ANKS1B: variants seen among roughly 807,000 people sequenced by gnomAD.
The protein encoded by ANKS1B is ankyrin repeat and sterile alpha motif domain-containing protein 1B.
In ANKS1B, 36 loss-of-function variants were observed where a neutral mutation model predicts 148.3. The observed-to-expected ratio is 0.24, with a 90% CI of 0.19 to 0.32. ANKS1B has a LOEUF of 0.32. ANKS1B is among the 10% of genes least tolerant of loss of function. The pLI is 1.00. For missense variants in ANKS1B, 1,157 were observed against 1,542.6 expected (o/e 0.75, Z 4.19); for synonymous variants, 542 against 560.8 (o/e 0.97, Z 0.47).
chr12:99,647,785 A>G, intron 9 of ANKS1B: 1 of 212,638 alleles, frequency 4.7e-6, no homozygotes, highest in Non-Finnish European at 9.6e-6. Context: ...GAAGAAGAGC[A>G]GTGGGATTGC....
At chr12:99,938,205 A>C (rs894505978) in intron 1 of ANKS1B, among the ~76,000 whole-genome samples, 1 of 152,228 alleles carries the variant, frequency 6.6e-6, no homozygotes, top group African/African-American at 2.4e-5. Context: ...GCAAGTGGCC[A>C]TATGGCCAGG....
intron 16 of ANKS1B, among the ~76,000 whole-genome samples, chr12:99,068,123 C>T (rs2045051739): frequency 1.3e-5 from 2 of 151,904 alleles, no homozygotes; most frequent in South Asian, 4.1e-4. Context: ...ATATATATAA[C>T]ATCATCCTAG....
chr12:99,374,426 G>A (rs955103616), intron 12 of ANKS1B, among the ~76,000 whole-genome samples: 1 of 152,126 alleles, frequency 6.6e-6, no homozygotes, highest in Non-Finnish European at 1.5e-5. Flanking sequence ...CTGAGTGAGT[G>A]TAGGTGTTAA....
intron 8 of ANKS1B, among the ~76,000 whole-genome samples, chr12:99,687,527 CTTCT>C (rs926977469): frequency 5.3e-5 from 8 of 151,886 alleles, no homozygotes; most frequent in African/African-American, 1.9e-4. Context: ...TTCAATCCTT[CTTCT>C]TTCTGTACTT....
At chr12:99,554,352 A>C (rs1459068015) in intron 9 of ANKS1B, among the ~76,000 whole-genome samples, 1 of 152,190 alleles carries the variant, frequency 6.6e-6, no homozygotes, top group Non-Finnish European at 1.5e-5. Context: ...GGGATTTTTT[A>C]AACCATGAAA....
intron 14 of ANKS1B, among the ~76,000 whole-genome samples, chr12:99,242,010 A>T (rs1052658387): frequency 6.6e-6 from 1 of 152,188 alleles, no homozygotes; most frequent in Non-Finnish European, 1.5e-5. Flanking sequence ...GCCCTCTCTC[A>T]CCACTCCTAT....
intron 17 of ANKS1B, among the ~76,000 whole-genome samples, chr12:98,870,262 C>T (rs79410386): frequency 2.0e-5 from 3 of 152,226 alleles, no homozygotes; most frequent in Admixed American, 6.5e-5. Context: ...GTGCAAATGA[C>T]GATTCTGGTC....
intron 9 of ANKS1B, among the ~76,000 whole-genome samples, chr12:99,585,219 G>T (rs1034824110): frequency 6.6e-6 from 1 of 152,150 alleles, no homozygotes; most frequent in Non-Finnish European, 1.5e-5. Context: ...CCAAATGGGA[G>T]AAATTGGCCA....
At chr12:99,172,454 A>T (rs903875785) in intron 14 of ANKS1B, among the ~76,000 whole-genome samples, 15 of 152,146 alleles carry the variant, frequency 9.9e-5, no homozygotes, top group African/African-American at 3.6e-4. Context: ...AAATGACCTA[A>T]CTAATTATTT....
intron 17 of ANKS1B, among the ~76,000 whole-genome samples, chr12:99,022,916 A>C (rs186049205): frequency 6.6e-6 from 1 of 152,282 alleles, no homozygotes; most frequent in Admixed American, 6.5e-5. Flanking sequence ...GTTTACTAAG[A>C]AAATTTTACT....
At chr12:98,884,694 G>T (rs373091556) in intron 17 of ANKS1B, among the ~76,000 whole-genome samples, 2,307 of 151,466 alleles carry the variant, frequency 0.015, 49 homozygotes, top group African/African-American at 0.05. Flanking sequence ...AGCTACTCGG[G>T]AGGCTGAGGC....
At chr12:99,706,514 T>A (rs1411890316) in intron 8 of ANKS1B, 1 of 152,042 alleles carries the variant, frequency 6.6e-6, no homozygotes, top group African/African-American at 2.4e-5. Flanking sequence ...ATAACTCGCT[T>A]CTGTGTTAGG....
intron 10 of ANKS1B, among the ~76,000 whole-genome samples, chr12:99,501,681 G>C (rs1194891838): frequency 6.6e-6 from 1 of 152,126 alleles, no homozygotes; most frequent in Non-Finnish European, 1.5e-5. Flanking sequence ...CAGTCCCTGA[G>C]CTGGACAGGC....
chr12:99,221,308 C>A (rs986073906), intron 14 of ANKS1B, among the ~76,000 whole-genome samples: 1 of 151,982 alleles, frequency 6.6e-6, no homozygotes, highest in Non-Finnish European at 1.5e-5. Context: ...CTACTGCACT[C>A]CAGTCTGGGT....
chr12:99,177,997 A>C (rs1226326058), intron 14 of ANKS1B, among the ~76,000 whole-genome samples: 3 of 152,258 alleles, frequency 2.0e-5, no homozygotes, highest in Non-Finnish European at 4.4e-5. Context: ...CAACAGATCC[A>C]TTCCTTCCAT....
intron 8 of ANKS1B, among the ~76,000 whole-genome samples, chr12:99,676,694 G>A (rs146253062): frequency 2.0e-5 from 3 of 152,256 alleles, no homozygotes; most frequent in East Asian, 3.9e-4. Context: ...ATGCATGCTT[G>A]CTTCTTGTTT....
At chr12:99,523,240 T>G (rs928275582) in intron 9 of ANKS1B, among the ~76,000 whole-genome samples, 1 of 152,194 alleles carries the variant, frequency 6.6e-6, no homozygotes, top group Non-Finnish European at 1.5e-5. Context: ...ATGGACCGTT[T>G]TCTGTGAACA....
At chr12:98,971,795 C>A (rs1009965642) in intron 17 of ANKS1B, among the ~76,000 whole-genome samples, 1 of 152,148 alleles carries the variant, frequency 6.6e-6, no homozygotes, top group Non-Finnish European at 1.5e-5. Context: ...TGTGGGAGAT[C>A]CAGCTGTTGT....
chr12:98,963,737 AT>A (rs2099875493), intron 17 of ANKS1B, among the ~76,000 whole-genome samples: 1 of 152,166 alleles, frequency 6.6e-6, no homozygotes, highest in Non-Finnish European at 1.5e-5. Flanking sequence ...GGGAGAAAAT[AT>A]TTGCCAACGA....
Sources: gnomAD v4.1 joint callset for allele counts (sites outside exome capture counted in the v4.1 genomes callset) on GRCh38, gnomAD v4.1.1 for gene constraint, MANE v1.5 for transcripts, NCBI Gene and HGNC (gene_info 2026-07-23, HGNC 2026-07-21) for gene names.